NHERF1: variants seen among roughly 807,000 people sequenced by gnomAD.
NHERF1 encodes the protein Na(+)/H(+) exchange regulatory cofactor NHE-RF1.
At chr17:74,754,188 A>C in the NHERF1 span, among the ~76,000 whole-genome samples, 440 of 151,794 alleles carry the variant, frequency 2.9e-3, 2 homozygotes, top group African/African-American at 0.01. Flanking sequence ...AGAAAGAAGA[A>C]GCTCAGCCGA....
the NHERF1 span, among the ~76,000 whole-genome samples, chr17:74,764,808 GC>G: frequency 3.9e-5 from 6 of 152,180 alleles, no homozygotes; most frequent in Non-Finnish European, 5.9e-5. This position sits in a 1 kb window ranked among gnomAD's most constrained non-coding sequence, Gnocchi z 4.9. Context: ...AGGGAGGAAT[GC>G]CCCCCTCTCC....
At chr17:74,756,539 A>C in the NHERF1 span, among the ~76,000 whole-genome samples, 1 of 152,086 alleles carries the variant, frequency 6.6e-6, no homozygotes, top group African/African-American at 2.4e-5. Flanking sequence ...TTGGCCTCCC[A>C]AAATGCTGGG....
At chr17:74,754,182 A>C in the NHERF1 span, among the ~76,000 whole-genome samples, 1 of 151,772 alleles carries the variant, frequency 6.6e-6, no homozygotes, top group Admixed American at 6.6e-5. Flanking sequence ...AAAAAAAGAA[A>C]GAAGAAGCTC....
the NHERF1 span, among the ~76,000 whole-genome samples, chr17:74,756,305 G>T: frequency 8.3e-6 from 1 of 120,368 alleles, no homozygotes; most frequent in East Asian, 2.3e-4. Flanking sequence ...TTGAGACGGA[G>T]CCTTGCTCTA....
the NHERF1 span, chr17:74,768,377 G>A: frequency 3.1e-5 from 46 of 1,490,532 alleles, no homozygotes; most frequent in South Asian, 4.5e-5. Flanking sequence ...CCCTGGGCAC[G>A]GCCCCAACGG....
chr17:74,750,266 T>C, the NHERF1 span, among the ~76,000 whole-genome samples: 1 of 152,086 alleles, frequency 6.6e-6, no homozygotes, highest in Non-Finnish European at 1.5e-5. Flanking sequence ...GCTGGCAAAA[T>C]AGGAGTTGTG....
the NHERF1 span, among the ~76,000 whole-genome samples, chr17:74,759,053 C>G: frequency 2.6e-5 from 4 of 152,152 alleles, no homozygotes; most frequent in African/African-American, 9.7e-5. Flanking sequence ...GGCTGGTCTC[C>G]CTTGAAGAGT....
chr17:74,762,796 G>C, the NHERF1 span, among the ~76,000 whole-genome samples: 1 of 152,176 alleles, frequency 6.6e-6, no homozygotes, highest in African/African-American at 2.4e-5. The surrounding 1 kb of genome is among the most constrained non-coding windows in gnomAD (Gnocchi z 4.2). Context: ...GACCTCAAGT[G>C]ATCTGCCCGC....
chr17:74,763,531 T>G, the NHERF1 span: 1 of 1,576,308 alleles, frequency 6.3e-7, no homozygotes, highest in Non-Finnish European at 8.6e-7. Context: ...GTAAGCCAGG[T>G]GGGGCCACTG....
At chr17:74,755,955 T>C in the NHERF1 span, among the ~76,000 whole-genome samples, 2 of 150,900 alleles carry the variant, frequency 1.3e-5, no homozygotes, top group South Asian at 4.1e-4. Context: ...CTATTTTTCC[T>C]GTTTTTTTTT....
the NHERF1 span, among the ~76,000 whole-genome samples, chr17:74,754,617 G>C: frequency 6.6e-6 from 1 of 151,776 alleles, no homozygotes; most frequent in African/African-American, 2.4e-5. Context: ...TGGCCAGGCT[G>C]GGTGGCACCT....
the NHERF1 span, chr17:74,766,833 A>T: frequency 3.7e-6 from 4 of 1,082,228 alleles, no homozygotes; most frequent in Middle Eastern, 2.0e-4. Context: ...ATGTTGACCC[A>T]GGGAACAAGA....
chr17:74,762,255 A>C, the NHERF1 span: 2 of 1,259,462 alleles, frequency 1.6e-6, no homozygotes, highest in Non-Finnish European at 1.1e-6. This position sits in a 1 kb window ranked among gnomAD's most constrained non-coding sequence, Gnocchi z 4.2. Context: ...TCATACCATC[A>C]TGGGCTTGAT....
chr17:74,751,684 G>A, the NHERF1 span, among the ~76,000 whole-genome samples: 1 of 152,210 alleles, frequency 6.6e-6, no homozygotes, highest in African/African-American at 2.4e-5. This position sits in a 1 kb window ranked among gnomAD's most constrained non-coding sequence, Gnocchi z 4.3. Flanking sequence ...CGTGGGGAGA[G>A]AGGAGCAGCA....
chr17:74,758,965 G>A, the NHERF1 span, among the ~76,000 whole-genome samples: 2 of 152,170 alleles, frequency 1.3e-5, no homozygotes, highest in African/African-American at 4.8e-5. The surrounding 1 kb of genome is among the most constrained non-coding windows in gnomAD (Gnocchi z 4.3). Flanking sequence ...TGGCTTGATG[G>A]GCTGACTCAG....
At chr17:74,764,502 T>G in the NHERF1 span, among the ~76,000 whole-genome samples, 1 of 152,138 alleles carries the variant, frequency 6.6e-6, no homozygotes, top group Non-Finnish European at 1.5e-5. The surrounding 1 kb of genome is among the most constrained non-coding windows in gnomAD (Gnocchi z 4.9). Flanking sequence ...GATAATCCCC[T>G]TCTCCACTGA....
chr17:74,768,280 C>T, the NHERF1 span: 19 of 1,475,788 alleles, frequency 1.3e-5, no homozygotes, highest in South Asian at 1.6e-4. Flanking sequence ...TACAGGAAGC[C>T]GATTCCCAGG....
chr17:74,759,400 G>T, the NHERF1 span, among the ~76,000 whole-genome samples: 1 of 152,234 alleles, frequency 6.6e-6, no homozygotes, highest in Non-Finnish European at 1.5e-5. Flanking sequence ...TAGGCGAGGG[G>T]CACTGGGCTG....
At chr17:74,756,695 G>A in the NHERF1 span, among the ~76,000 whole-genome samples, 7 of 152,108 alleles carry the variant, frequency 4.6e-5, no homozygotes, top group East Asian at 1.9e-4. Context: ...GCCTTTGCCC[G>A]TCAGCCATGT....
Sources: gnomAD v4.1 joint callset for allele counts (sites outside exome capture counted in the v4.1 genomes callset) on GRCh38, gnomAD v4.1.1 for gene constraint, Gnocchi (gnomAD v3.1) non-coding constraint, MANE v1.5 for transcripts, NCBI Gene and HGNC (gene_info 2026-07-23, HGNC 2026-07-21) for gene names.